SMYD3: variants seen among roughly 807,000 people sequenced by gnomAD.
SMYD3 encodes histone-lysine N-methyltransferase SMYD3.
A neutral mutation model predicts 57.7 loss-of-function variants in SMYD3; 36 were observed. That is an observed-to-expected ratio of 0.62 (90% CI 0.48 to 0.82). The LOEUF (loss-of-function observed/expected upper bound fraction) is 0.82. Among genes scored for constraint, SMYD3 ranks in the 40% least tolerant of loss-of-function variants. SMYD3 has a pLI of 0.00. For missense variants in SMYD3, 515 were observed against 538.8 expected (o/e 0.96, Z 0.44); for synonymous variants, 211 against 195.0 (o/e 1.08, Z -0.68).
intron 1 of SMYD3, among the ~76,000 whole-genome samples, chr1:246,410,751 G>GCTC (rs2066952328): frequency 6.6e-6 from 1 of 152,232 alleles, no homozygotes; most frequent in African/African-American, 2.4e-5. Context: ...AATGGTACCA[G>GCTC]CTCCTCCTTG....
intron 5 of SMYD3, among the ~76,000 whole-genome samples, chr1:245,949,316 G>A (rs971508708): frequency 3.3e-5 from 5 of 152,074 alleles, no homozygotes; most frequent in East Asian, 1.9e-4. Flanking sequence ...GCCCACCACC[G>A]CCACCGTGGG....
chr1:246,008,745 GTTTT>G (rs995866826), intron 5 of SMYD3, among the ~76,000 whole-genome samples: 2 of 152,038 alleles, frequency 1.3e-5, no homozygotes, highest in Middle Eastern at 3.2e-3. Flanking sequence ...TCTCGGTTTC[GTTTT>G]TTCATGCTGC....
chr1:246,404,846 CT>C (rs2066834502), intron 1 of SMYD3, among the ~76,000 whole-genome samples: 1 of 152,120 alleles, frequency 6.6e-6, no homozygotes. Flanking sequence ...AGTATAAAAC[CT>C]TTCTTTCATT....
At chr1:246,385,326 T>C (rs2066456829) in intron 1 of SMYD3, among the ~76,000 whole-genome samples, 1 of 152,116 alleles carries the variant, frequency 6.6e-6, no homozygotes, top group Admixed American at 6.5e-5. Context: ...GCCCATTTCC[T>C]AAGTATACTT....
chr1:245,987,119 T>G (rs1417682366), intron 5 of SMYD3, among the ~76,000 whole-genome samples: 1 of 152,154 alleles, frequency 6.6e-6, no homozygotes, highest in Non-Finnish European at 1.5e-5. Flanking sequence ...TGAAACCAAC[T>G]CATATTCATG....
At chr1:245,889,036 G>A (rs781615486) in intron 8 of SMYD3, among the ~76,000 whole-genome samples, 18 of 152,174 alleles carry the variant, frequency 1.2e-4, no homozygotes, top group Non-Finnish European at 2.2e-4. Context: ...TAAATAGTGA[G>A]CCCCAAGATA....
chr1:246,392,805 A>AG (rs2066593343), intron 1 of SMYD3, among the ~76,000 whole-genome samples: 1 of 106,034 alleles, frequency 9.4e-6, no homozygotes, highest in African/African-American at 3.8e-5. Flanking sequence ...AAAAAGAAAA[A>AG]GAAAAAAAAA....
At chr1:245,982,327 A>G (rs2058614812) in intron 5 of SMYD3, among the ~76,000 whole-genome samples, 2 of 152,162 alleles carry the variant, frequency 1.3e-5, no homozygotes, top group Non-Finnish European at 2.9e-5. Context: ...AAGTCTCACT[A>G]TGTTGCCCAG....
intron 8 of SMYD3, among the ~76,000 whole-genome samples, chr1:245,898,685 A>C (rs139936454): frequency 2.0e-5 from 3 of 152,340 alleles, no homozygotes; most frequent in African/African-American, 7.2e-5. Flanking sequence ...GCTTTGATAG[A>C]CTGATAGACA....
At chr1:246,200,829 A>T (rs898755723) in intron 5 of SMYD3, among the ~76,000 whole-genome samples, 9 of 152,184 alleles carry the variant, frequency 5.9e-5, no homozygotes, top group African/African-American at 2.2e-4. Context: ...AGTTCACCAA[A>T]TTTAAGTTAC....
At chr1:246,324,251 C>T (rs1482341423) in intron 5 of SMYD3, among the ~76,000 whole-genome samples, 2 of 151,952 alleles carry the variant, frequency 1.3e-5, no homozygotes, top group South Asian at 4.2e-4. Flanking sequence ...GTTGTCTCTA[C>T]TAAAAATACA....
chr1:246,457,212 T>A (rs2067710926), intron 1 of SMYD3, among the ~76,000 whole-genome samples: 1 of 151,668 alleles, frequency 6.6e-6, no homozygotes, highest in Admixed American at 6.6e-5. Flanking sequence ...TGTTCAAGGG[T>A]AAGAATAGAG....
At position 246,347,858 on chromosome 1, in the gene SMYD3, G is replaced by A. The variant is rs148408367; in HGVS notation, c.228+7173C>T. 1.4e-4 allele frequency among the ~76,000 whole-genome samples: 21 copies of A among 151,986 alleles called. No homozygotes were observed. In the East Asian group the frequency reaches 3.3e-3, roughly 24 times the overall value. On this transcript the variant is annotated intron_variant, in intron 2 of 11. Coordinates refer to ENST00000490107, the MANE Select transcript of SMYD3 (RefSeq NM_001167740.2). ...GAATGTAAATTAGTTCAGCCACTGT[G>A]GAGACAGTTTGGAGACTTGAACTAA...
At chr1:245,834,727 T>C (rs1390601688) in intron 10 of SMYD3, among the ~76,000 whole-genome samples, 1 of 152,194 alleles carries the variant, frequency 6.6e-6, no homozygotes, top group Non-Finnish European at 1.5e-5. Context: ...TTTCAGCCCG[T>C]ACATGGGAGG....
chr1:246,262,657 A>G (rs1236795482), intron 5 of SMYD3, among the ~76,000 whole-genome samples: 1 of 152,104 alleles, frequency 6.6e-6, no homozygotes, highest in African/African-American at 2.4e-5. Context: ...ACTAAACCAT[A>G]TAGCCGGTCT....
intron 11 of SMYD3, among the ~76,000 whole-genome samples, chr1:245,755,946 C>T (rs2045586526): frequency 6.6e-6 from 1 of 150,870 alleles, no homozygotes; most frequent in Non-Finnish European, 1.5e-5. Flanking sequence ...CTTAAATCTG[C>T]CATTTAATTT....
At chr1:246,081,213 A>G (rs2060632672) in intron 5 of SMYD3, among the ~76,000 whole-genome samples, 1 of 152,148 alleles carries the variant, frequency 6.6e-6, no homozygotes, top group Admixed American at 6.5e-5. Context: ...TAAATCCCTA[A>G]GTCAAAACCT....
At chr1:246,394,141 T>C (rs576271595) in intron 1 of SMYD3, among the ~76,000 whole-genome samples, 1 of 152,356 alleles carries the variant, frequency 6.6e-6, no homozygotes, top group South Asian at 2.1e-4. Flanking sequence ...CAATCATGTA[T>C]GTTTTCTGAT....
intron 8 of SMYD3, among the ~76,000 whole-genome samples, chr1:245,871,470 C>T (rs1572558843): frequency 6.6e-6 from 1 of 152,208 alleles, no homozygotes; most frequent in African/African-American, 2.4e-5. Flanking sequence ...ATATCAACTA[C>T]AGACCAGTCA....
Sources: gnomAD v4.1 joint callset for allele counts (sites outside exome capture counted in the v4.1 genomes callset) on GRCh38, gnomAD v4.1.1 for gene constraint, MANE v1.5 for transcripts, NCBI Gene and HGNC (gene_info 2026-07-23, HGNC 2026-07-21) for gene names.